MPP4: variants seen among roughly 807,000 people sequenced by gnomAD.
The protein encoded by MPP4 is MAGUK p55 scaffold protein 4, also known as MAGUK p55 subfamily member 4.
In MPP4, 91 loss-of-function variants were observed where a neutral mutation model predicts 98.3. That is an observed-to-expected ratio of 0.93 (90% CI 0.78 to 1.10). MPP4 has a LOEUF of 1.10. Among genes scored for constraint, MPP4 ranks in the 50% least tolerant of loss-of-function variants. The probability of loss-of-function intolerance (pLI) is 0.00; values close to 1 mark genes in which losing one functional copy is unlikely to be tolerated. For synonymous variants in MPP4, 261 were observed against 271.8 expected, an observed-to-expected ratio of 0.96 and a Z score of 0.39; for missense variants, 744 against 792.9, an observed-to-expected ratio of 0.94 and a Z score of 0.74.
chr2:201,693,113 G>A (rs1689086013), intron 2 of MPP4, 84 bp from the exon 3 acceptor site: 1 of 1,486,904 alleles, frequency 6.7e-7, no homozygotes, highest in East Asian at 2.3e-5. Context: ...GCATGCCATG[G>A]GGTCTCACCA....
At chr2:201,664,010 T>C (rs1348775620) in intron 14 of MPP4, 71 bp downstream of exon 14, 5 of 1,129,294 alleles carry the variant, frequency 4.4e-6, no homozygotes, top group Non-Finnish European at 6.2e-6. Context: ...ATTATAAATA[T>C]GTGTATAAAT....
intron 10 of MPP4, among the ~76,000 whole-genome samples, chr2:201,677,584 GA>G (rs1308643201): frequency 6.6e-6 from 1 of 152,040 alleles, no homozygotes; most frequent in Non-Finnish European, 1.5e-5. Flanking sequence ...CTCTTATAAA[GA>G]GTTTAAAAAA....
At position 201,687,158 on chromosome 2, in the gene MPP4, C is replaced by G. The variant is rs1227412435; in HGVS notation, c.360+133G>C. The G allele has an allele frequency of 4.2e-6, 3 of 721,150 alleles. No homozygotes were observed. The African/African-American group carries it at 5.3e-5, about 13-fold the overall frequency. The allele number at this position is 721,150 out of a possible 1,614,324, so 44.7% of individuals were successfully genotyped here. A position where few individuals can be genotyped will look rare whatever the true frequency, so the allele number is the denominator to read the frequency against. Reference sequence around the variant, plus strand: ...TGAGTCCCACATATTTAAGTACAATCTGTTGGTCAGTAACCGTGTACAGTA... The same window carrying G: ...TGAGTCCCACATATTTAAGTACAATGTGTTGGTCAGTAACCGTGTACAGTA... On this transcript the variant is annotated intron_variant, in intron 5 of 21. Coordinates refer to ENST00000409474, the MANE Select transcript of MPP4 (RefSeq NM_033066.3).
At chr2:201,683,928 G>A (rs546959670) in intron 7 of MPP4, among the ~76,000 whole-genome samples, 1 of 152,016 alleles carries the variant, frequency 6.6e-6, no homozygotes, top group East Asian at 1.9e-4. Context: ...CATTTCAGAA[G>A]CACAACAGTA....
At position 201,680,827 on chromosome 2, in the gene MPP4, A is replaced by G. The variant is rs765482925; in HGVS notation, c.929+11T>C. Reference sequence around the variant, plus strand: ...TTCAGCCCTGAGTCCAGGAGTGGTGACGTTCCTTACCTCTTCAGAAGGTGG... The same window carrying G: ...TTCAGCCCTGAGTCCAGGAGTGGTGGCGTTCCTTACCTCTTCAGAAGGTGG... On this transcript the variant is annotated intron_variant, in intron 10 of 21. Transcript: ENST00000409474. 2.1e-5 allele frequency: 33 copies of G among 1,602,256 alleles called. 1 individual carries two copies. In the South Asian group the frequency reaches 3.6e-4, roughly 17 times the overall value.
At chr2:201,684,214 G>A (rs973857716) in intron 7 of MPP4, among the ~76,000 whole-genome samples, 2 of 29,350 alleles carry the variant, frequency 6.8e-5, no homozygotes, top group Admixed American at 1.2e-3. Flanking sequence ...TTAAGACCCT[G>A]TCTCAAAAAA....
chr2:201,674,964 A>T, intron 11 of MPP4: 1 of 628,038 alleles, frequency 1.6e-6, no homozygotes, highest in Non-Finnish European at 2.9e-6. Context: ...ACTCCCTATG[A>T]TTTCGTCTCT....
Position 201,682,922 on chromosome 2 carries a change from C to T in MPP4, c.575-6G>A. 1 of 1,611,046 alleles carries T rather than the reference C, an allele frequency of 6.2e-7. No homozygotes were observed. The highest frequency in any genetic ancestry group is 8.5e-7 in the Non-Finnish European group (1 of 1,177,688). On this transcript the variant is annotated splice_polypyrimidine_tract_variant and splice_region_variant and intron_variant, in intron 7 of 21. Coordinates refer to ENST00000409474, the MANE Select transcript of MPP4 (RefSeq NM_033066.3). ...GTCTCCAGCATATAGCAACCCTAGG[C>T]AGACAGTAACAAAAAACAAAGAAAG...
intron 14 of MPP4, 128 bp from the exon 15 acceptor site, chr2:201,660,474 C>A: frequency 1.0e-6 from 1 of 985,904 alleles, no homozygotes; most frequent in South Asian, 1.4e-5. Flanking sequence ...AAAGGTAACT[C>A]GGGTAAGGCC....
At chr2:201,686,237 A>G (rs1688828192) in intron 5 of MPP4, among the ~76,000 whole-genome samples, 187 bp from the exon 6 acceptor site, 1 of 152,232 alleles carries the variant, frequency 6.6e-6, no homozygotes, top group African/African-American at 2.4e-5. Context: ...AGGCAGGTAC[A>G]TTAATTGTCC....
At chr2:201,685,813 A>G (rs1160795964) in intron 6 of MPP4, 106 bp downstream of exon 6, 3 of 1,349,512 alleles carry the variant, frequency 2.2e-6, no homozygotes, top group East Asian at 4.9e-5. Flanking sequence ...ATCACTGTAT[A>G]TGTGATCGCA....
chr2:201,694,579 G>T (rs780861062), intron 1 of MPP4, among the ~76,000 whole-genome samples: 5 of 126,024 alleles, frequency 4.0e-5, no homozygotes, highest in African/African-American at 9.0e-5. Context: ...CCTACAATTT[G>T]TATAGAGTCT....
At chr2:201,658,409 C>T (rs552808697) in intron 16 of MPP4, 68 bp downstream of exon 16, 2 of 1,348,698 alleles carry the variant, frequency 1.5e-6, no homozygotes, top group East Asian at 4.6e-5. Context: ...ACTTTCAAAA[C>T]AGTGTCAGGT....
Position 201,685,051 on chromosome 2 carries a change from T to G in MPP4, c.574+13A>C, listed in dbSNP as rs1268898776. The G allele has an allele frequency of 6.2e-7, 1 of 1,609,134 alleles. No individual in the cohort carries two copies. The highest frequency in any genetic ancestry group is 1.3e-5 in the African/African-American group (1 of 74,850). On this transcript the variant is annotated intron_variant, in intron 7 of 21. Coordinates refer to ENST00000409474, the MANE Select transcript of MPP4 (RefSeq NM_033066.3). ...TTTTCTGGTAACTCTCAATCCCAGC[T>G]GCTCCAGCTTACCACTTCTCTCCGC...
chr2:201,648,972 G>A (rs1687643495), intron 20 of MPP4, among the ~76,000 whole-genome samples: 5 of 152,262 alleles, frequency 3.3e-5, no homozygotes, highest in South Asian at 4.2e-4. Flanking sequence ...GCTGAGGCAC[G>A]AGAATTGCTT....
chr2:201,666,680 T>C, intron 12 of MPP4: 1 of 181,950 alleles, frequency 5.5e-6, no homozygotes, highest in Non-Finnish European at 1.1e-5. Context: ...GTCGAGATAG[T>C]GCCATTGCAC....
intron 16 of MPP4, 101 bp downstream of exon 16, chr2:201,658,376 G>T: frequency 1.1e-6 from 1 of 951,072 alleles, no homozygotes; most frequent in Non-Finnish European, 1.6e-6. Flanking sequence ...GAACAGGTCT[G>T]GAAATGTTCA....
intron 14 of MPP4, chr2:201,661,383 A>G (rs1688020406): frequency 2.2e-6 from 1 of 456,526 alleles, no homozygotes; most frequent in African/African-American, 2.0e-5. Flanking sequence ...AGAATTAAGC[A>G]TCATGGAATG....
chr2:201,662,313 G>A (rs2105921581), intron 14 of MPP4, among the ~76,000 whole-genome samples: 1 of 150,210 alleles, frequency 6.7e-6, no homozygotes, highest in Admixed American at 6.6e-5. Context: ...AGACTAGCCT[G>A]AGCAACATGG....
Sources: allele counts gnomAD v4.1 joint callset (sites outside exome capture counted in the v4.1 genomes callset), GRCh38; gene constraint gnomAD v4.1.1; transcripts MANE v1.5; gene names NCBI Gene and HGNC (gene_info 2026-07-23, HGNC 2026-07-21).